The following DNAAF11 variants were observed in gnomAD, a reference collection of about 807,000 sequenced individuals.
DNAAF11 encodes the protein leucine rich repeat containing 6.
A neutral mutation model predicts 60.8 loss-of-function variants in DNAAF11; 45 were observed. The ratio of observed to expected loss-of-function variants is 0.74; its 90% CI spans 0.58 to 0.95. The LOEUF (loss-of-function observed/expected upper bound fraction) is 0.95. DNAAF11 is among the 40% of genes least tolerant of loss of function. The pLI is 0.00. For missense variants in DNAAF11, 546 were observed against 546.2 expected, an observed-to-expected ratio of 1.00 and a Z score of 0.00; for synonymous variants, 191 against 183.5, an observed-to-expected ratio of 1.04 and a Z score of -0.33.
chr8:132,696,639 C>T, the DNAAF11 span, among the ~76,000 whole-genome samples: 1 of 152,036 alleles, frequency 6.6e-6, no homozygotes, highest in East Asian at 1.9e-4. Flanking sequence ...AACATTATGC[C>T]ACATGAAATC....
chr8:132,620,985 TAGC>T (rs1248088492), intron 7 of DNAAF11, among the ~76,000 whole-genome samples: 2 of 152,122 alleles, frequency 1.3e-5, no homozygotes, highest in Non-Finnish European at 2.9e-5. Context: ...AGACTGATAA[TAGC>T]AGGAGAGGCA....
At chr8:132,613,429 C>A (rs1818852379) in intron 8 of DNAAF11, among the ~76,000 whole-genome samples, 1 of 152,188 alleles carries the variant, frequency 6.6e-6, no homozygotes, top group South Asian at 2.1e-4. Flanking sequence ...AAGCCAGACA[C>A]AAAGGCCACA....
intron 10 of DNAAF11, among the ~76,000 whole-genome samples, chr8:132,592,386 T>C (rs1224964116): frequency 6.6e-6 from 1 of 152,196 alleles, no homozygotes; most frequent in African/African-American, 2.4e-5. Context: ...AAGTGCCTCT[T>C]ACAGAGAAGG....
chr8:132,660,435 T>C (rs1337134029), intron 2 of DNAAF11, among the ~76,000 whole-genome samples: 1 of 152,166 alleles, frequency 6.6e-6, no homozygotes, highest in East Asian at 1.9e-4. Flanking sequence ...AACTGACTTG[T>C]CAAATTTCAC....
At chr8:132,618,577 C>A (rs1819422546) in intron 7 of DNAAF11, among the ~76,000 whole-genome samples, 1 of 122,752 alleles carries the variant, frequency 8.1e-6, no homozygotes, top group African/African-American at 3.3e-5. Context: ...CCAGAATCTA[C>A]AATGAACTCA....
At chr8:132,664,858 A>G (rs542751337) in intron 1 of DNAAF11, among the ~76,000 whole-genome samples, 2 of 152,284 alleles carry the variant, frequency 1.3e-5, no homozygotes, top group African/African-American at 4.8e-5. Context: ...AAGTATTAGG[A>G]AAGAATTATA....
intron 2 of DNAAF11, among the ~76,000 whole-genome samples, chr8:132,659,758 A>G (rs1823944922): frequency 2.0e-5 from 3 of 152,154 alleles, no homozygotes; most frequent in Admixed American, 2.0e-4. Flanking sequence ...CGAAACTAGA[A>G]GCAACCACAT....
At chr8:132,629,636 T>G (rs1205056808) in intron 5 of DNAAF11, among the ~76,000 whole-genome samples, 1 of 152,034 alleles carries the variant, frequency 6.6e-6, no homozygotes, top group Admixed American at 6.6e-5. Context: ...CATGAGCCAC[T>G]GCGCCCGGCC....
intron 2 of DNAAF11, 26 bp downstream of exon 2, chr8:132,661,434 C>T: frequency 6.4e-7 from 1 of 1,569,692 alleles, no homozygotes; most frequent in Non-Finnish European, 8.7e-7. Flanking sequence ...TTCAAGAAAC[C>T]ATGAGAACTA....
At chr8:132,589,048 G>T (rs1177263335) in intron 10 of DNAAF11, among the ~76,000 whole-genome samples, 4 of 152,162 alleles carry the variant, frequency 2.6e-5, no homozygotes, top group Non-Finnish European at 5.9e-5. Context: ...TTCAACATGA[G>T]ATTTGGGTGG....
intron 2 of DNAAF11, among the ~76,000 whole-genome samples, chr8:132,659,653 A>G (rs1333568265): frequency 5.3e-5 from 8 of 152,232 alleles, no homozygotes; most frequent in African/African-American, 1.9e-4. Context: ...GCCAAAAATA[A>G]TTAACTCAAA....
At chr8:132,619,639 A>C (rs1819555663) in intron 7 of DNAAF11, among the ~76,000 whole-genome samples, 1 of 152,240 alleles carries the variant, frequency 6.6e-6, no homozygotes, top group Admixed American at 6.5e-5. Flanking sequence ...GACCAAGTGC[A>C]GACAATTCCA....
At chr8:132,687,023 G>GTGCCT in the DNAAF11 span, among the ~76,000 whole-genome samples, 3 of 152,102 alleles carry the variant, frequency 2.0e-5, no homozygotes, top group Non-Finnish European at 4.4e-5. Context: ...CACTTCCCCA[G>GTGCCT]CACCATGCAC....
intron 5 of DNAAF11, among the ~76,000 whole-genome samples, chr8:132,627,717 C>T (rs538011177): frequency 7.9e-5 from 12 of 152,178 alleles, no homozygotes; most frequent in African/African-American, 2.7e-4. Flanking sequence ...TCCATTCCTT[C>T]CTCTGAATCC....
At chr8:132,696,410 T>G in the DNAAF11 span, among the ~76,000 whole-genome samples, 1 of 152,118 alleles carries the variant, frequency 6.6e-6, no homozygotes, top group Admixed American at 6.6e-5. Context: ...AAGCACAAAT[T>G]GACCATATGA....
chr8:132,622,508 C>A, intron 7 of DNAAF11, 103 bp downstream of exon 7: 1 of 805,048 alleles, frequency 1.2e-6, no homozygotes. Flanking sequence ...TAAGAGCAGT[C>A]AGAAATATTC....
chr8:132,650,571 T>TA (rs1330984349), intron 3 of DNAAF11, among the ~76,000 whole-genome samples: 2 of 152,332 alleles, frequency 1.3e-5, no homozygotes, highest in East Asian at 3.9e-4. Context: ...ATGCAGTTGT[T>TA]AAATTATAAA....
chr8:132,656,342 T>C (rs1164926722), intron 3 of DNAAF11, among the ~76,000 whole-genome samples: 1 of 152,176 alleles, frequency 6.6e-6, no homozygotes, highest in African/African-American at 2.4e-5. Context: ...AAGAGTGAAA[T>C]GGACTTCCAT....
chr8:132,682,660 A>G, the DNAAF11 span, among the ~76,000 whole-genome samples: 4 of 152,336 alleles, frequency 2.6e-5, no homozygotes, highest in Admixed American at 2.6e-4. Flanking sequence ...GTGACACTTT[A>G]TTTAGGTAAC....
Sources: allele counts gnomAD v4.1 joint callset (sites outside exome capture counted in the v4.1 genomes callset), GRCh38; gene constraint gnomAD v4.1.1; transcripts MANE v1.5; gene names NCBI Gene and HGNC (gene_info 2026-07-23, HGNC 2026-07-21).